Variants in NRG1 observed in about 807,000 individuals in gnomAD.
NRG1 encodes pro-neuregulin-1, membrane-bound isoform.
NRG1 carries 18 observed loss-of-function variants against 63.8 expected under a neutral mutation model. The ratio of observed to expected loss-of-function variants is 0.28; its 90% CI spans 0.19 to 0.42. The LOEUF (loss-of-function observed/expected upper bound fraction) is 0.42, where lower values mean the gene tolerates loss of function less well. Among genes scored for constraint, NRG1 ranks in the 10% least tolerant of loss-of-function variants. NRG1 has a pLI of 1.00. For missense variants in NRG1, 762 were observed against 814.7 expected (o/e 0.94, Z 0.79); for synonymous variants, 302 against 301.3 (o/e 1.00, Z -0.02).
intron 5 of NRG1, among the ~76,000 whole-genome samples, chr8:32,637,413 C>T (rs1196244319): frequency 6.6e-6 from 1 of 152,056 alleles, no homozygotes; most frequent in African/African-American, 2.4e-5. Flanking sequence ...CGAGGGTTTT[C>T]TAGTCATCAT....
intron 1 of NRG1, among the ~76,000 whole-genome samples, chr8:32,591,917 G>T (rs1842592267): frequency 6.6e-6 from 1 of 151,686 alleles, no homozygotes; most frequent in African/African-American, 2.4e-5. Context: ...ATAAAAATCT[G>T]CACATGTACC....
chr8:32,271,572 A>C (rs1016394314), intron 1 of NRG1, among the ~76,000 whole-genome samples: 16 of 152,084 alleles, frequency 1.1e-4, no homozygotes, highest in African/African-American at 3.6e-4. Flanking sequence ...AGTGTGGACA[A>C]ATGGTCCTTA....
At chr8:32,552,435 T>G (rs749441399) in intron 1 of NRG1, among the ~76,000 whole-genome samples, 5 of 152,140 alleles carry the variant, frequency 3.3e-5, no homozygotes, top group Non-Finnish European at 5.9e-5. Context: ...TTTGTGAGTC[T>G]GGGTGATGGA....
intron 1 of NRG1, among the ~76,000 whole-genome samples, chr8:31,766,369 AT>A (rs1202361552): frequency 6.6e-6 from 1 of 152,146 alleles, no homozygotes; most frequent in African/African-American, 2.4e-5. Flanking sequence ...AAAGCCTGCA[AT>A]GAGAAAGGAA....
At chr8:32,469,123 A>G (rs1463872891) in intron 1 of NRG1, among the ~76,000 whole-genome samples, 1 of 152,172 alleles carries the variant, frequency 6.6e-6, no homozygotes, top group African/African-American at 2.4e-5. Context: ...TGCAGGAATA[A>G]CTCAGCCAAC....
intron 1 of NRG1, among the ~76,000 whole-genome samples, chr8:31,867,458 C>T (rs902656160): frequency 3.3e-5 from 5 of 151,960 alleles, no homozygotes; most frequent in African/African-American, 1.2e-4. Context: ...AGATTTATGT[C>T]ATTCCAGTTT....
chr8:32,534,266 C>T (rs993413823), intron 1 of NRG1, among the ~76,000 whole-genome samples: 1 of 152,048 alleles, frequency 6.6e-6, no homozygotes, highest in Non-Finnish European at 1.5e-5. Flanking sequence ...GTAAAAAGAA[C>T]AGCAAAAACA....
intron 1 of NRG1, among the ~76,000 whole-genome samples, chr8:32,148,329 C>G: frequency 6.6e-6 from 1 of 152,176 alleles, no homozygotes; most frequent in Non-Finnish European, 1.5e-5. Context: ...ATCATAATAC[C>G]TGCAGGAAGT....
At chr8:31,805,557 G>C (rs1402337459) in intron 1 of NRG1, among the ~76,000 whole-genome samples, 1 of 151,992 alleles carries the variant, frequency 6.6e-6, no homozygotes, top group Non-Finnish European at 1.5e-5. Context: ...GGCCGGGCGC[G>C]GTGGCTCACG....
intron 1 of NRG1, among the ~76,000 whole-genome samples, chr8:31,935,392 G>A (rs1271132014): frequency 6.6e-6 from 1 of 151,738 alleles, no homozygotes; most frequent in Non-Finnish European, 1.5e-5. Context: ...CAAAGTACTA[G>A]GATTACAGGT....
At chr8:32,557,090 C>T (rs1035706319) in intron 1 of NRG1, among the ~76,000 whole-genome samples, 1 of 152,006 alleles carries the variant, frequency 6.6e-6, no homozygotes, top group South Asian at 2.1e-4. Flanking sequence ...ACTGCAAGCT[C>T]CCCCCACTGG....
chr8:32,113,585 T>C (rs1832320536), intron 1 of NRG1, among the ~76,000 whole-genome samples: 1 of 152,220 alleles, frequency 6.6e-6, no homozygotes, highest in Non-Finnish European at 1.5e-5. Flanking sequence ...CTTTAACTAG[T>C]TCCCCTTATT....
rs1254332942 is a variant in NRG1, at chr8:32,636,140, T to C, written c.502+19255T>C. Among the ~76,000 whole-genome samples, 3 of 152,164 alleles carry C rather than the reference T, an allele frequency of 2.0e-5. No homozygotes were observed. In the East Asian group the frequency reaches 5.8e-4, roughly 29 times the overall value. ...CACTTCTAAAGACTTATGTTTTGTT[T>C]TAGAATCCTATCTAAAAGCATTTCA... On this transcript the variant is annotated intron_variant, in intron 5 of 11. Coordinates refer to ENST00000356819, the Ensembl canonical transcript of NRG1.
chr8:31,941,807 A>T lies in NRG1; in HGVS notation c.37+302376A>T, dbSNP rs539021884. On this transcript the variant is annotated intron_variant, in intron 1 of 10. Transcript: ENST00000519301. ...CCTTTCACAATATCAGCAAAAAAAT[A>T]AAATACATAGGAATATACCTAAACA... Among the ~76,000 whole-genome samples the T allele has an allele frequency of 3.3e-5, 5 of 152,266 alleles. No homozygotes were observed. The East Asian group carries it at 9.6e-4, about 29-fold the overall frequency.
intron 1 of NRG1, among the ~76,000 whole-genome samples, chr8:32,311,449 C>T (rs544511924): frequency 3.3e-5 from 5 of 152,124 alleles, no homozygotes; most frequent in South Asian, 2.1e-4. Flanking sequence ...GATCTGGGCA[C>T]GGAGTGTCTG....
intron 1 of NRG1, among the ~76,000 whole-genome samples, chr8:32,229,453 T>G (rs1483054801): frequency 6.6e-6 from 1 of 152,082 alleles, no homozygotes; most frequent in African/African-American, 2.4e-5. Context: ...ACTCACTCAT[T>G]CGTGTGCCTG....
chr8:32,387,771 CA>C (rs201169448), intron 1 of NRG1, among the ~76,000 whole-genome samples: 3 of 150,358 alleles, frequency 2.0e-5, no homozygotes, highest in African/African-American at 7.3e-5. Flanking sequence ...AAGTTCCCAG[CA>C]AAAAAAAATC....
intron 1 of NRG1, among the ~76,000 whole-genome samples, chr8:32,073,926 C>A (rs1437216823): frequency 6.6e-6 from 1 of 151,974 alleles, no homozygotes; most frequent in Non-Finnish European, 1.5e-5. Flanking sequence ...AATATTTTAT[C>A]CATAATCAAG....
intron 5 of NRG1, among the ~76,000 whole-genome samples, chr8:32,667,987 C>T (rs905355502): frequency 3.3e-5 from 5 of 152,018 alleles, no homozygotes; most frequent in Non-Finnish European, 7.4e-5. Flanking sequence ...CCGAGGCAAG[C>T]GGATCACCTG....
Sources: allele counts gnomAD v4.1 joint callset (sites outside exome capture counted in the v4.1 genomes callset), GRCh38; gene constraint gnomAD v4.1.1; transcripts MANE v1.5; gene names NCBI Gene and HGNC (gene_info 2026-07-23, HGNC 2026-07-21).